Variants in DPY19L4 observed in about 807,000 individuals in gnomAD.
The protein encoded by DPY19L4 is probable C-mannosyltransferase DPY19L4.
Under a neutral mutation model 102.8 loss-of-function variants are expected in DPY19L4, and 97 were observed. The observed-to-expected ratio is 0.94, with a 90% CI of 0.80 to 1.12. The LOEUF (loss-of-function observed/expected upper bound fraction) is 1.12, where lower values mean the gene tolerates loss of function less well. Among genes scored for constraint, DPY19L4 ranks in the 50% most tolerant of loss-of-function variants. The pLI is 0.00. For missense variants in DPY19L4, 815 were observed against 850.4 expected (o/e 0.96, Z 0.52); for synonymous variants, 252 against 283.1 (o/e 0.89, Z 1.10).
rs952106857 is a variant in DPY19L4 at position 94,792,954 on chromosome 8, A to C, written c.*3044A>C. 2 of 152,218 alleles carry C rather than the reference A, an allele frequency of 1.3e-5. No homozygotes were observed. The highest frequency in any genetic ancestry group is 2.9e-5 in the Non-Finnish European group (2 of 68,030). 9.4% of individuals were successfully genotyped at this position (152,218 alleles called of 1,614,324 possible). ...ATCTAACATAAAATTTACCTTGAAT[A>C]AGATATATGATATTGATTCTGAGCT... On this transcript the variant is annotated 3_prime_UTR_variant, in exon 19 of 19. Transcript: ENST00000414645.
At chr8:94,764,915 A>C (rs1434089239) in intron 8 of DPY19L4, among the ~76,000 whole-genome samples, 3 of 149,790 alleles carry the variant, frequency 2.0e-5, no homozygotes, top group Non-Finnish European at 4.4e-5. Context: ...TTTTTAATAG[A>C]GATGGGTTTC....
chr8:94,764,689 G>GTGTGTGTGTGTGTA (rs1415377058), intron 8 of DPY19L4, among the ~76,000 whole-genome samples: 106 of 43,180 alleles, frequency 2.5e-3, no homozygotes, highest in Admixed American at 0.011. Flanking sequence ...GTCTGTGTGT[G>GTGTGTGTGTGTGTA]TATATATATA....
chr8:94,777,956 C>T (rs1317987796), intron 14 of DPY19L4, among the ~76,000 whole-genome samples, 170 bp downstream of exon 14: 1 of 152,026 alleles, frequency 6.6e-6, no homozygotes. Flanking sequence ...CTGGGCTGGA[C>T]GCGGTGGCTC....
rs1399174745 is a variant in DPY19L4, at chr8:94,791,125, T to C, written c.*1215T>C. 6.6e-6 allele frequency: 1 copy of C among 152,170 alleles called. No homozygotes were observed. The highest frequency in any genetic ancestry group is 1.5e-5 in the Non-Finnish European group (1 of 67,970). 9.4% of individuals were successfully genotyped at this position (152,170 alleles called of 1,614,324 possible). A position where few individuals can be genotyped will look rare whatever the true frequency, so the allele number is the denominator to read the frequency against. Reference sequence around the variant, plus strand: ...GGGATACATGTTTAGTTTTTCCTTATATTCCTGTTCAGTGAACAGATTTTC... The same window carrying C: ...GGGATACATGTTTAGTTTTTCCTTACATTCCTGTTCAGTGAACAGATTTTC... On this transcript the variant is annotated 3_prime_UTR_variant, in exon 19 of 19. Transcript: ENST00000414645.
Position 94,719,936 on chromosome 8 carries a change from G to A in DPY19L4, c.-63G>A, listed in dbSNP as rs1242125301. Reference sequence around the variant, plus strand: ...CCCGGAGGCCGAGGGGTTCGGCGACGCGGAGGGAGGGAGAGTCTGGGCCGC... The same window carrying A: ...CCCGGAGGCCGAGGGGTTCGGCGACACGGAGGGAGGGAGAGTCTGGGCCGC... On this transcript the variant is annotated 5_prime_UTR_variant, in exon 1 of 19. Transcript: ENST00000414645. The A allele has an allele frequency of 2.1e-6, 3 of 1,454,724 alleles. No individual in the cohort carries two copies. Among genetic ancestry groups the A allele is most frequent in the Non-Finnish European group, 2.7e-6 (3 of 1,098,872 alleles). The allele number at this position is 1,454,724 out of a possible 1,614,324, so 90.1% of individuals were successfully genotyped here. A position where few individuals can be genotyped will look rare whatever the true frequency, so the allele number is the denominator to read the frequency against.
At position 94,787,041 on chromosome 8, in the gene DPY19L4, G is replaced by A. The variant is rs574285096; in HGVS notation, c.1849-853G>A. ...GTTCTACGAGCATCTTGTGGGTAGAGACCAGGAATGCTGATCTACATTGCA... is the reference window on the plus strand; with the variant it reads ...GTTCTACGAGCATCTTGTGGGTAGAAACCAGGAATGCTGATCTACATTGCA... On this transcript the variant is annotated intron_variant, in intron 17 of 18. Transcript: ENST00000414645. Among the ~76,000 whole-genome samples, 25 of 152,264 alleles carry A rather than the reference G, an allele frequency of 1.6e-4. No individual in the cohort carries two copies. In the South Asian group the frequency reaches 2.5e-3, roughly 15 times the overall value.
intron 1 of DPY19L4, among the ~76,000 whole-genome samples, chr8:94,721,232 C>G (rs1225808869): frequency 6.6e-6 from 1 of 152,188 alleles, no homozygotes. Flanking sequence ...AGGCGTGAGC[C>G]ACGGGTCCAG....
chr8:94,746,804 A>G (rs562757422), intron 6 of DPY19L4, among the ~76,000 whole-genome samples: 12 of 152,366 alleles, frequency 7.9e-5, no homozygotes, highest in Admixed American at 7.8e-4. Context: ...GTGATATTTT[A>G]CCGAAACCAA....
chr8:94,729,099 G>A (rs115176902), intron 2 of DPY19L4, among the ~76,000 whole-genome samples: 10,424 of 152,112 alleles, frequency 0.069, 380 homozygotes, highest in East Asian at 0.14. Flanking sequence ...GGCCAGGCAC[G>A]GTGGCTTAAG....
At chr8:94,726,219 C>G in intron 1 of DPY19L4, 112 bp from the exon 2 acceptor site, 1 of 684,910 alleles carries the variant, frequency 1.5e-6, no homozygotes, top group South Asian at 3.6e-5. Flanking sequence ...ATCTTTGATA[C>G]TAATAGGTCT....
At chr8:94,726,238 C>A in intron 1 of DPY19L4, 93 bp from the exon 2 acceptor site, 2 of 994,392 alleles carry the variant, frequency 2.0e-6, no homozygotes, top group South Asian at 2.2e-5. Context: ...CTTAGTGGTA[C>A]TTTTGCTTTA....
At chr8:94,783,269 G>A (rs533524445) in intron 16 of DPY19L4, among the ~76,000 whole-genome samples, 2 of 150,410 alleles carry the variant, frequency 1.3e-5, no homozygotes, top group African/African-American at 5.0e-5. Context: ...GAAGAAGCTG[G>A]GTTGTAGGTG....
chr8:94,726,442 G>A lies in DPY19L4; in HGVS notation c.127+1G>A, dbSNP rs139917646. Reference sequence around the variant, plus strand: ...CCAATTCCTGAAAGAGCTCCAAAACGTAAGTTAGATAGACTTGGAATTTGT... The same window carrying A: ...CCAATTCCTGAAAGAGCTCCAAAACATAAGTTAGATAGACTTGGAATTTGT... On this transcript the variant is annotated splice_donor_variant, in intron 2 of 18. Transcript: ENST00000414645. LOFTEE classifies it high-confidence loss of function. 25 of 1,600,940 alleles carry A rather than the reference G, an allele frequency of 1.6e-5. No homozygotes were observed. In the African/African-American group the frequency reaches 2.3e-4, roughly 15 times the overall value.
chr8:94,777,879 A>T, intron 14 of DPY19L4, 93 bp downstream of exon 14: 1 of 1,372,514 alleles, frequency 7.3e-7, no homozygotes, highest in Non-Finnish European at 9.9e-7. Context: ...AAATAGCATG[A>T]GTAAATTACA....
intron 7 of DPY19L4, 117 bp downstream of exon 7, chr8:94,756,276 G>T (rs927266939): frequency 7.4e-6 from 10 of 1,347,366 alleles, no homozygotes; most frequent in African/African-American, 1.5e-5. Flanking sequence ...AATGAAGCCT[G>T]GTTACTACAT....
intron 7 of DPY19L4, among the ~76,000 whole-genome samples, chr8:94,758,111 CA>C (rs899855127): frequency 2.0e-5 from 3 of 149,460 alleles, no homozygotes. Flanking sequence ...ACTCCATCTC[CA>C]AAAAAAAATA....
chr8:94,770,616 G>A (rs1481618975), intron 13 of DPY19L4, 45 bp downstream of exon 13: 1 of 1,607,172 alleles, frequency 6.2e-7, no homozygotes, highest in Admixed American at 1.7e-5. Context: ...AAAGATTGTT[G>A]GCTGAGTGCG....
chr8:94,778,999 C>A (rs6471490), intron 14 of DPY19L4, among the ~76,000 whole-genome samples: 27,365 of 152,002 alleles, frequency 0.18, 3,046 homozygotes, highest in African/African-American at 0.31. Flanking sequence ...TGGGATGTGT[C>A]TGCCTCATGC....
intron 6 of DPY19L4, among the ~76,000 whole-genome samples, chr8:94,741,884 A>G (rs915882828): frequency 2.0e-5 from 3 of 152,236 alleles, no homozygotes; most frequent in African/African-American, 7.2e-5. Flanking sequence ...TCCTTTTAGT[A>G]TAGAATGGAA....
Sources: gnomAD v4.1 joint callset for allele counts (sites outside exome capture counted in the v4.1 genomes callset) on GRCh38, gnomAD v4.1.1 for gene constraint, MANE v1.5 for transcripts, NCBI Gene and HGNC (gene_info 2026-07-23, HGNC 2026-07-21) for gene names.